FTCDNL1: variants seen among roughly 807,000 people sequenced by gnomAD.
The protein encoded by FTCDNL1 is formiminotransferase cyclodeaminase N-terminal like, also known as formiminotransferase N-terminal subdomain-containing protein.
FTCDNL1 carries 11 observed loss-of-function variants against 5.9 expected under a neutral mutation model. That is an observed-to-expected ratio of 1.87 (90% CI 1.18 to 3.10). The LOEUF (loss-of-function observed/expected upper bound fraction) is 3.10. FTCDNL1 is among the 30% of genes most tolerant of loss of function. The pLI is 0.00. For synonymous variants in FTCDNL1, 58 were observed against 24.8 expected, an observed-to-expected ratio of 2.34 and a Z score of -3.99; for missense variants, 115 against 65.5, an observed-to-expected ratio of 1.76 and a Z score of -2.61.
At chr2:199,807,149 T>C (rs1290238266), downstream of FTCDNL1, among the ~76,000 whole-genome samples, 1 of 152,162 alleles carries the variant, frequency 6.6e-6, no homozygotes, top group Non-Finnish European at 1.5e-5. Context: ...TCCTTCTTAG[T>C]TATTATAGAT....
At chr2:199,693,794 T>C in the FTCDNL1 span, among the ~76,000 whole-genome samples, 1 of 152,328 alleles carries the variant, frequency 6.6e-6, no homozygotes, top group Middle Eastern at 3.4e-3. Flanking sequence ...CAAACTCTTG[T>C]TGCTAAACAG....
intron 3 of FTCDNL1, among the ~76,000 whole-genome samples, chr2:199,841,025 C>A (rs1237388064): frequency 6.6e-6 from 1 of 151,918 alleles, no homozygotes; most frequent in African/African-American, 2.4e-5. Context: ...GTGGCATGCA[C>A]CTGTGATCAC....
At chr2:199,763,538 A>G (rs1237273658) in intron 3 of FTCDNL1, among the ~76,000 whole-genome samples, 1 of 152,030 alleles carries the variant, frequency 6.6e-6, no homozygotes, top group Non-Finnish European at 1.5e-5. Context: ...CCTTTCCCCA[A>G]GCTCCCACTT....
the FTCDNL1 span, among the ~76,000 whole-genome samples, chr2:199,711,698 G>GA: frequency 3.9e-5 from 6 of 152,062 alleles, no homozygotes; most frequent in African/African-American, 1.4e-4. Context: ...AGGGACTGTT[G>GA]AAAAAAGGCT....
intron 3 of FTCDNL1, among the ~76,000 whole-genome samples, chr2:199,832,257 A>T (rs1426425955): frequency 6.6e-6 from 1 of 152,134 alleles, no homozygotes; most frequent in Admixed American, 6.5e-5. Context: ...AACATATTTA[A>T]CTTATACTGT....
chr2:199,794,852 C>A (rs1700097482), intron 3 of FTCDNL1, among the ~76,000 whole-genome samples: 1 of 152,196 alleles, frequency 6.6e-6, no homozygotes. Flanking sequence ...GCACTCCAGT[C>A]CAGCCTGGGT....
intron 3 of FTCDNL1, among the ~76,000 whole-genome samples, chr2:199,845,313 TCCCAG>T (rs2076701778): frequency 6.6e-6 from 1 of 152,056 alleles, no homozygotes; most frequent in South Asian, 2.1e-4. Flanking sequence ...AATCCTATAA[TCCCAG>T]CACTTTGGGA....
At chr2:199,735,457 T>C in the FTCDNL1 span, among the ~76,000 whole-genome samples, 1 of 148,528 alleles carries the variant, frequency 6.7e-6, no homozygotes, top group African/African-American at 2.5e-5. Flanking sequence ...ATAGTGAATA[T>C]TACCCTGCTT....
the FTCDNL1 span, among the ~76,000 whole-genome samples, chr2:199,705,250 A>G: frequency 6.6e-6 from 1 of 152,200 alleles, no homozygotes; most frequent in Non-Finnish European, 1.5e-5. Flanking sequence ...CTAAAAGAAC[A>G]TAAGTACTAT....
chr2:199,746,718 C>T, the FTCDNL1 span, among the ~76,000 whole-genome samples: 4 of 151,752 alleles, frequency 2.6e-5, no homozygotes, highest in Non-Finnish European at 5.9e-5. Context: ...CAATGGAAAA[C>T]AACCTCCACC....
chr2:199,809,198 G>A (rs1258357999), downstream of FTCDNL1, among the ~76,000 whole-genome samples: 3 of 149,662 alleles, frequency 2.0e-5, no homozygotes, highest in Admixed American at 6.6e-5. Flanking sequence ...TCAAATGTAA[G>A]TAAAAAAAAT....
chr2:199,807,181 G>T (rs1481338553), downstream of FTCDNL1, among the ~76,000 whole-genome samples: 2 of 152,204 alleles, frequency 1.3e-5, no homozygotes, highest in African/African-American at 4.8e-5. Context: ...ACTTATGCCA[G>T]TTCCTGCAGA....
intron 4 of FTCDNL1, among the ~76,000 whole-genome samples, 155 bp from the exon 5 acceptor site, chr2:199,812,879 G>A (rs1295533868): frequency 6.6e-6 from 1 of 152,166 alleles, no homozygotes; most frequent in Non-Finnish European, 1.5e-5. Flanking sequence ...TTATTTCACA[G>A]AGAAATATAA....
chr2:199,809,816 T>A lies in FTCDNL1; in HGVS notation c.*2889A>T, dbSNP rs1700931421. Among the ~76,000 whole-genome samples, 1 of 152,030 alleles carries A rather than the reference T, an allele frequency of 6.6e-6. No homozygotes were observed. Among genetic ancestry groups the A allele is most frequent in the South Asian group, 2.1e-4 (1 of 4,822 alleles). On this transcript the variant is annotated 3_prime_UTR_variant, in exon 5 of 5. Coordinates refer to ENST00000420128, the MANE Select transcript of FTCDNL1 (RefSeq NM_001363886.2). ...TATGAGCAGCAGATCATCTTAAAAGTAGTAAGGCAAGAATGAACAATCATG... is the reference window on the plus strand; with the variant it reads ...TATGAGCAGCAGATCATCTTAAAAGAAGTAAGGCAAGAATGAACAATCATG...
chr2:199,790,270 G>C (rs964692566), intron 3 of FTCDNL1, among the ~76,000 whole-genome samples: 5 of 152,052 alleles, frequency 3.3e-5, no homozygotes, highest in Non-Finnish European at 5.9e-5. Context: ...GGTCAAGGTG[G>C]GCAGATCACC....
intron 4 of FTCDNL1, among the ~76,000 whole-genome samples, chr2:199,815,999 CAAAA>C (rs769713438): frequency 9.3e-6 from 1 of 106,958 alleles, no homozygotes; most frequent in African/African-American, 3.4e-5. Context: ...GACTCCATCT[CAAAA>C]AAAAAAGAAA....
At chr2:199,829,513 A>G (rs1365696315) in intron 3 of FTCDNL1, among the ~76,000 whole-genome samples, 1 of 152,206 alleles carries the variant, frequency 6.6e-6, no homozygotes, top group East Asian at 1.9e-4. Context: ...TAGGCTTCAT[A>G]TTCATAACAC....
Position 199,819,762 on chromosome 2 carries a change from G to T in FTCDNL1, c.212-5C>A. On this transcript the variant is annotated splice_polypyrimidine_tract_variant and splice_region_variant and intron_variant, in intron 3 of 4. Transcript: ENST00000420128. ...GCACCAGATCCTCAGCAAGGCCTGT[G>T]GCAGAGGGAATTTTAACCAAAGAAA... 1.5e-6 allele frequency: 1 copy of T among 688,124 alleles called. No homozygotes were observed. The highest frequency in any genetic ancestry group is 1.5e-5 in the South Asian group (1 of 65,954). 42.6% of individuals were successfully genotyped at this position (688,124 alleles called of 1,614,324 possible).
chr2:199,808,686 T>G (rs1700859541), downstream of FTCDNL1, among the ~76,000 whole-genome samples: 1 of 152,208 alleles, frequency 6.6e-6, no homozygotes, highest in Non-Finnish European at 1.5e-5. Flanking sequence ...AGTGGCACCA[T>G]GTGCTTTTAT....
Sources: gnomAD v4.1 joint callset for allele counts (sites outside exome capture counted in the v4.1 genomes callset) on GRCh38, gnomAD v4.1.1 for gene constraint, MANE v1.5 for transcripts, NCBI Gene and HGNC (gene_info 2026-07-23, HGNC 2026-07-21) for gene names.